The following ACOT11 variants were observed in gnomAD, a reference collection of about 807,000 sequenced individuals.
ACOT11 encodes acyl-CoA thioesterase 11, also known as acyl-coenzyme A thioesterase 11.
Under a neutral mutation model 77.5 loss-of-function variants are expected in ACOT11, and 69 were observed. That is an observed-to-expected ratio of 0.89 (90% CI 0.73 to 1.09). The LOEUF (loss-of-function observed/expected upper bound fraction) is 1.09. Ranked by LOEUF, ACOT11 falls within the 50% of genes least tolerant of loss-of-function variation. The pLI is 0.00. For missense variants in ACOT11, 766 were observed against 813.7 expected, an observed-to-expected ratio of 0.94 and a Z score of 0.71; for synonymous variants, 279 against 313.0, an observed-to-expected ratio of 0.89 and a Z score of 1.15.
chr1:54,614,967 C>T (rs1644157581), downstream of ACOT11: 3 of 1,073,784 alleles, frequency 2.8e-6, no homozygotes, highest in African/African-American at 1.6e-5. Context: ...TGTGCGTGCA[C>T]AGTGGAGTCA....
intron 11 of ACOT11, 29 bp from the exon 12 acceptor site, chr1:54,604,317 G>A (rs371674143): frequency 2.3e-4 from 369 of 1,603,678 alleles, no homozygotes; most frequent in Middle Eastern, 1.4e-3. Flanking sequence ...AGGGGGTGGG[G>A]TAGTGGTAGC....
intron 1 of ACOT11, among the ~76,000 whole-genome samples, chr1:54,582,823 G>T (rs1026235473): frequency 6.6e-6 from 1 of 151,976 alleles, no homozygotes; most frequent in African/African-American, 2.4e-5. Flanking sequence ...TGCCCCTTTT[G>T]TTCTGCCCCT....
At chr1:54,551,943 A>G (rs543820361) in intron 1 of ACOT11, among the ~76,000 whole-genome samples, 2 of 152,040 alleles carry the variant, frequency 1.3e-5, no homozygotes, top group Non-Finnish European at 2.9e-5. Flanking sequence ...CAACCACACA[A>G]TGCAATCCTA....
rs567691485 is a variant in ACOT11, at chr1:54,601,993, C to T, written c.1029+580C>T. Among the ~76,000 whole-genome samples, 616 of 152,368 alleles carry T rather than the reference C, an allele frequency of 4.0e-3. 3 individuals carry two copies. Among genetic ancestry groups the T allele is most frequent in the African/African-American group, 0.013 (528 of 41,590 alleles). ...AGGCCTTGGAGAGGCCGCTCCCTCC[C>T]TTGGGGGAGGTCCCCTGGCCTTCCT... On this transcript the variant is annotated intron_variant, in intron 9 of 15. Transcript: ENST00000343744.
downstream of ACOT11, chr1:54,612,747 G>T: frequency 6.5e-7 from 1 of 1,532,302 alleles, no homozygotes; most frequent in Non-Finnish European, 9.0e-7. Context: ...TCACGGAGCT[G>T]CAGCGGCCCC....
chr1:54,626,329 A>G (rs528599338), intron 15 of ACOT11, among the ~76,000 whole-genome samples: 28 of 152,286 alleles, frequency 1.8e-4, no homozygotes, highest in African/African-American at 6.3e-4. Context: ...AGTCTAGAGG[A>G]ACAACAAACC....
chr1:54,619,769 G>A (rs1002532343), intron 15 of ACOT11: 3 of 1,313,010 alleles, frequency 2.3e-6, no homozygotes, highest in Non-Finnish European at 3.2e-6. Flanking sequence ...CAGCCATCAT[G>A]CCACCACAGT....
At chr1:54,572,568 G>GA (rs141474817) in intron 1 of ACOT11, among the ~76,000 whole-genome samples, 1,630 of 152,190 alleles carry the variant, frequency 0.011, 22 homozygotes, top group African/African-American at 0.037. Context: ...CAGCTCCCCT[G>GA]AGGGGGGGGG....
Position 54,548,352 on chromosome 1 carries a change from G to A in ACOT11, c.33+10G>A. 1 of 1,600,782 alleles carries A rather than the reference G, an allele frequency of 6.2e-7. No individual in the cohort carries two copies. Among genetic ancestry groups the A allele is most frequent in the Non-Finnish European group, 8.5e-7 (1 of 1,174,062 alleles). ...AAATCACCTGCGACGGGTATGGAGG[G>A]TGGGCTGGGGCAGCGGGAGGGCTCT... On this transcript the variant is annotated intron_variant, in intron 1 of 15. Transcript: ENST00000343744.
At position 54,609,673 on chromosome 1, in the gene ACOT11, A is replaced by T; in HGVS notation, c.*561A>T. On this transcript the variant is annotated 3_prime_UTR_variant, in exon 16 of 16. Transcript: ENST00000343744. Reference sequence around the variant, plus strand: ...CAGCCACATGGCCGGGGACCGAAAAACTCCCGTGGGAGATTTTGGCCCCAA... The same window carrying T: ...CAGCCACATGGCCGGGGACCGAAAATCTCCCGTGGGAGATTTTGGCCCCAA... The T allele has an allele frequency of 8.7e-6, 14 of 1,613,212 alleles. No individual in the cohort carries two copies. Among genetic ancestry groups the T allele is most frequent in the Non-Finnish European group, 1.1e-5 (13 of 1,179,904 alleles).
intron 8 of ACOT11, among the ~76,000 whole-genome samples, chr1:54,599,993 T>G (rs1643943735): frequency 6.6e-6 from 1 of 152,224 alleles, no homozygotes; most frequent in Non-Finnish European, 1.5e-5. Flanking sequence ...CTCTGTGACC[T>G]TAGAAGTAAC....
downstream of ACOT11, chr1:54,611,482 C>T (rs1644117460): frequency 1.1e-6 from 1 of 920,610 alleles, no homozygotes; most frequent in Non-Finnish European, 1.7e-6. Flanking sequence ...ATGCAGCCGC[C>T]TCCTGTCCCA....
At chr1:54,600,579 A>G (rs1375623731) in intron 8 of ACOT11, among the ~76,000 whole-genome samples, 1 of 152,216 alleles carries the variant, frequency 6.6e-6, no homozygotes, top group Non-Finnish European at 1.5e-5. Context: ...GCTACTCAGG[A>G]GGCTGAGGCA....
intron 1 of ACOT11, among the ~76,000 whole-genome samples, chr1:54,569,128 A>AT (rs35248943): frequency 1.6e-3 from 226 of 138,398 alleles, no homozygotes; most frequent in Middle Eastern, 0.011. Context: ...AAAAAAAATA[A>AT]TTTTTTTTTT....
At chr1:54,612,554 G>A (rs1213334578), downstream of ACOT11, 11 of 1,614,084 alleles carry the variant, frequency 6.8e-6, no homozygotes, top group South Asian at 2.2e-5. Flanking sequence ...ACCGTACAGG[G>A]AAGGTGACCC....
intron 9 of ACOT11, among the ~76,000 whole-genome samples, 179 bp from the exon 10 acceptor site, chr1:54,602,490 G>A (rs1373000148): frequency 1.3e-5 from 2 of 152,198 alleles, no homozygotes. Flanking sequence ...GAGTTTGAGG[G>A]GAGCTGGGGC....
intron 15 of ACOT11, among the ~76,000 whole-genome samples, chr1:54,617,241 G>A (rs114652680): frequency 1.1e-3 from 167 of 152,234 alleles, no homozygotes; most frequent in African/African-American, 3.9e-3. Flanking sequence ...AATCATGCAA[G>A]GGGCACTCAC....
chr1:54,639,035 T>C (rs567639831), exon 17 of ACOT11: 1 of 151,188 alleles, frequency 6.6e-6, no homozygotes, highest in South Asian at 2.1e-4. Flanking sequence ...TACAAAAAAA[T>C]TTTAAAAAAT....
At chr1:54,561,733 C>A (rs1653497870) in intron 1 of ACOT11, among the ~76,000 whole-genome samples, 3 of 121,870 alleles carry the variant, frequency 2.5e-5, no homozygotes, top group Admixed American at 2.2e-4. Context: ...GGCAGGGGGG[C>A]TGACCCCCCC....
Sources: allele counts gnomAD v4.1 joint callset (sites outside exome capture counted in the v4.1 genomes callset), GRCh38; gene constraint gnomAD v4.1.1; transcripts MANE v1.5; gene names NCBI Gene and HGNC (gene_info 2026-07-23, HGNC 2026-07-21).